Variants in PTPRO observed in about 807,000 individuals in gnomAD.
The protein encoded by PTPRO is protein tyrosine phosphatase receptor type O.
In PTPRO, 62 loss-of-function variants were observed where a neutral mutation model predicts 145.2. The observed-to-expected ratio is 0.43, with a 90% CI of 0.35 to 0.53. PTPRO has a LOEUF of 0.53. PTPRO is among the 20% of genes least tolerant of loss of function. The pLI is 0.01. For synonymous variants in PTPRO, 565 were observed against 514.7 expected (o/e 1.10, Z -1.32); for missense variants, 1,345 against 1,482.7 (o/e 0.91, Z 1.53).
At chr12:15,414,046 T>G (rs1419481457) in intron 1 of PTPRO, among the ~76,000 whole-genome samples, 2 of 152,220 alleles carry the variant, frequency 1.3e-5, no homozygotes, top group African/African-American at 4.8e-5. Flanking sequence ...GAAAGGAAAC[T>G]ATTGATCTTC....
chr12:15,466,457 G>C (rs1941418226), intron 1 of PTPRO, among the ~76,000 whole-genome samples: 1 of 152,112 alleles, frequency 6.6e-6, no homozygotes, highest in African/African-American at 2.4e-5. Flanking sequence ...CTATGCAAGG[G>C]AAATTTTAAA....
chr12:15,415,912 G>T (rs11056465), intron 1 of PTPRO, among the ~76,000 whole-genome samples: 1 of 151,640 alleles, frequency 6.6e-6, no homozygotes. Context: ...GGTAACAATC[G>T]CAAGGATAAA....
At chr12:15,427,374 C>T (rs960246474) in intron 1 of PTPRO, among the ~76,000 whole-genome samples, 1 of 151,884 alleles carries the variant, frequency 6.6e-6, no homozygotes, top group African/African-American at 2.4e-5. Context: ...AATGAGATTG[C>T]AAATTCCAAT....
intron 22 of PTPRO, among the ~76,000 whole-genome samples, chr12:15,581,169 C>T (rs1297004143): frequency 6.6e-6 from 1 of 152,124 alleles, no homozygotes; most frequent in African/African-American, 2.4e-5. Context: ...AAACTAGTCT[C>T]AGAGTCCCAA....
intron 12 of PTPRO, among the ~76,000 whole-genome samples, chr12:15,529,887 A>G (rs1158201563): frequency 6.6e-6 from 1 of 152,222 alleles, no homozygotes; most frequent in African/African-American, 2.4e-5. Context: ...ATAACACTGG[A>G]TGTATATGGT....
rs376929238 is a variant in PTPRO, at chr12:15,322,834, G to T, written c.75+33G>T. Reference sequence around the variant, plus strand: ...AGCTCCTCCACCCCTTTTTCCCAGCGGTCCGGGCGGCAGCCGCGCTCCGGC... The same window carrying T: ...AGCTCCTCCACCCCTTTTTCCCAGCTGTCCGGGCGGCAGCCGCGCTCCGGC... On this transcript the variant is annotated intron_variant, in intron 1 of 26. Coordinates refer to ENST00000281171, the MANE Select transcript of PTPRO (RefSeq NM_030667.3). This position sits in a 1 kb window ranked among gnomAD's most constrained non-coding sequence, Gnocchi z 6.3. 9.9e-5 allele frequency: 158 copies of T among 1,597,968 alleles called. 1 individual carries two copies. The highest frequency in any genetic ancestry group is 1.3e-4 in the Non-Finnish European group (154 of 1,172,544).
intron 2 of PTPRO, among the ~76,000 whole-genome samples, chr12:15,485,371 A>G (rs61908052): frequency 0.013 from 2,016 of 152,258 alleles, 23 homozygotes; most frequent in Non-Finnish European, 0.023. Flanking sequence ...ACTGTCTTAA[A>G]CAAGCTCTAG....
intron 8 of PTPRO, 23 bp from the exon 9 acceptor site, chr12:15,516,740 A>G: frequency 6.4e-7 from 1 of 1,570,546 alleles, no homozygotes; most frequent in South Asian, 1.1e-5. Context: ...TTCTTTTTCT[A>G]CCCCCTGCCC....
chr12:15,368,277 A>G (rs1447766872), intron 1 of PTPRO, among the ~76,000 whole-genome samples: 1 of 152,108 alleles, frequency 6.6e-6, no homozygotes, highest in African/African-American at 2.4e-5. Context: ...ACCATGCTCC[A>G]TATTGTTTCC....
intron 12 of PTPRO, among the ~76,000 whole-genome samples, chr12:15,528,474 G>A (rs542756442): frequency 1.3e-5 from 2 of 149,804 alleles, no homozygotes; most frequent in African/African-American, 2.5e-5. Context: ...GCAGTGAGCC[G>A]AGATCGCACC....
intron 1 of PTPRO, among the ~76,000 whole-genome samples, chr12:15,343,032 C>G (rs958355839): frequency 4.6e-5 from 7 of 152,138 alleles, no homozygotes; most frequent in Admixed American, 3.3e-4. Context: ...AATTACTTAT[C>G]TAATTTTATC....
intron 1 of PTPRO, among the ~76,000 whole-genome samples, chr12:15,363,988 C>T (rs1591744248): frequency 6.6e-6 from 1 of 152,230 alleles, no homozygotes; most frequent in Non-Finnish European, 1.5e-5. Context: ...CAAGATGTAG[C>T]TTAATGAAAT....
At chr12:15,429,933 T>G (rs1244526537) in intron 1 of PTPRO, among the ~76,000 whole-genome samples, 1 of 152,082 alleles carries the variant, frequency 6.6e-6, no homozygotes, top group Non-Finnish European at 1.5e-5. Context: ...TTCCCACATT[T>G]CCAGATTGTA....
intron 19 of PTPRO, among the ~76,000 whole-genome samples, chr12:15,574,642 G>T (rs144808010): frequency 6.6e-6 from 1 of 152,102 alleles, no homozygotes; most frequent in African/African-American, 2.4e-5. Flanking sequence ...CACCCCTTAT[G>T]GACACGTAAT....
intron 7 of PTPRO, among the ~76,000 whole-genome samples, chr12:15,513,157 A>AAAAGAAAGAAAG (rs1162807747): frequency 6.2e-4 from 19 of 30,824 alleles, no homozygotes; most frequent in South Asian, 1.3e-3. Flanking sequence ...GAAAGAAAGA[A>AAAAGAAAGAAAG]AAAGAAAGAA....
At chr12:15,421,778 A>G (rs1940154116) in intron 1 of PTPRO, among the ~76,000 whole-genome samples, 1 of 152,206 alleles carries the variant, frequency 6.6e-6, no homozygotes, top group South Asian at 2.1e-4. Flanking sequence ...TGTGAAGCAG[A>G]AGAGTTTGCA....
intron 1 of PTPRO, among the ~76,000 whole-genome samples, chr12:15,393,188 G>A: frequency 6.6e-6 from 1 of 151,940 alleles, no homozygotes; most frequent in Non-Finnish European, 1.5e-5. Context: ...AACCTATAGT[G>A]TAATGATTAA....
At chr12:15,440,042 A>T in intron 1 of PTPRO, 1 of 653,804 alleles carries the variant, frequency 1.5e-6, no homozygotes, top group South Asian at 1.7e-5. Context: ...GGGTAACAAG[A>T]TCTGCAAGCC....
chr12:15,595,766 A>G (rs1324812002), intron 26 of PTPRO: 1 of 153,470 alleles, frequency 6.5e-6, no homozygotes, highest in Non-Finnish European at 1.4e-5. Context: ...GTGGTGCATG[A>G]TGGGAGAATC....
Sources: gnomAD v4.1 joint callset for allele counts (sites outside exome capture counted in the v4.1 genomes callset) on GRCh38, gnomAD v4.1.1 for gene constraint, Gnocchi (gnomAD v3.1) non-coding constraint, MANE v1.5 for transcripts, NCBI Gene and HGNC (gene_info 2026-07-23, HGNC 2026-07-21) for gene names.